The following DENND5A variants were observed in gnomAD, a reference collection of about 807,000 sequenced individuals.
DENND5A encodes DENN domain-containing protein 5A.
A neutral mutation model predicts 140.3 loss-of-function variants in DENND5A; 64 were observed. The observed-to-expected ratio is 0.46, with a 90% confidence interval of 0.37 to 0.56. DENND5A has a LOEUF of 0.56. Among genes scored for constraint, DENND5A ranks in the 20% least tolerant of loss-of-function variants. DENND5A has a pLI of 0.00. For synonymous variants in DENND5A, 605 were observed against 607.7 expected (o/e 1.00, Z 0.07); for missense variants, 1,292 against 1,593.8 (o/e 0.81, Z 3.22).
At chr11:9,252,852 A>ATT (rs576567620) in intron 1 of DENND5A, among the ~76,000 whole-genome samples, 12,464 of 144,032 alleles carry the variant, frequency 0.087, 592 homozygotes, top group African/African-American at 0.11. Context: ...CAGCAACAGG[A>ATT]TTTTTTTTTT....
At chr11:9,195,983 C>A (rs756391669) in intron 4 of DENND5A, among the ~76,000 whole-genome samples, 20 of 152,096 alleles carry the variant, frequency 1.3e-4, no homozygotes, top group Non-Finnish European at 2.5e-4. Flanking sequence ...GACAAAGTCT[C>A]GCTCTGTCAC....
chr11:9,177,773 A>T (rs1848594866), intron 8 of DENND5A, among the ~76,000 whole-genome samples: 1 of 152,026 alleles, frequency 6.6e-6, no homozygotes, highest in African/African-American at 2.4e-5. Context: ...AACAACAAGG[A>T]TTCACTGAAT....
chr11:9,160,545 G>A (rs895673920), intron 12 of DENND5A, among the ~76,000 whole-genome samples, 168 bp downstream of exon 12: 3 of 152,232 alleles, frequency 2.0e-5, no homozygotes, highest in African/African-American at 4.8e-5. Context: ...TATCTTTAAG[G>A]AAAATAGTTT....
intron 5 of DENND5A, among the ~76,000 whole-genome samples, chr11:9,187,748 A>G (rs1848967439): frequency 6.6e-6 from 1 of 152,216 alleles, no homozygotes; most frequent in Admixed American, 6.5e-5. Context: ...AACTCAGACA[A>G]CGAAGCTCCA....
intron 1 of DENND5A, among the ~76,000 whole-genome samples, chr11:9,208,688 C>T (rs1358894107): frequency 1.3e-5 from 2 of 152,198 alleles, no homozygotes; most frequent in Non-Finnish European, 2.9e-5. Flanking sequence ...TGATAGGACC[C>T]AACCTTCTTT....
chr11:9,158,773 C>G (rs1169693187), intron 12 of DENND5A, among the ~76,000 whole-genome samples: 3 of 152,046 alleles, frequency 2.0e-5, no homozygotes, highest in African/African-American at 7.2e-5. Flanking sequence ...GAGATAAAAA[C>G]AAAGCAAGTT....
intron 3 of DENND5A, 86 bp downstream of exon 3, chr11:9,206,587 C>T: frequency 2.1e-6 from 2 of 932,834 alleles, no homozygotes; most frequent in South Asian, 2.7e-5. Context: ...TATTTGGTGG[C>T]ACCACTGCTA....
At chr11:9,237,208 G>T (rs1212117151) in intron 1 of DENND5A, among the ~76,000 whole-genome samples, 3 of 152,192 alleles carry the variant, frequency 2.0e-5, no homozygotes, top group African/African-American at 7.2e-5. Flanking sequence ...CCTGAGGTCA[G>T]GAGTACAAGA....
At chr11:9,219,507 A>C (rs925312266) in intron 1 of DENND5A, among the ~76,000 whole-genome samples, 12 of 151,510 alleles carry the variant, frequency 7.9e-5, no homozygotes, top group Non-Finnish European at 1.5e-4. Flanking sequence ...TCAAAAAAAG[A>C]ATGTATTTTC....
At chr11:9,228,383 G>A (rs762982082) in intron 1 of DENND5A, among the ~76,000 whole-genome samples, 9 of 152,100 alleles carry the variant, frequency 5.9e-5, no homozygotes, top group South Asian at 2.1e-4. Context: ...GGAGAGAGAC[G>A]CTGAAGTGAG....
rs376748652 is a variant in DENND5A, at chr11:9,201,834, AAAG to A, written c.949+1823_949+1825del. The stretch of plus-strand genomic sequence containing the variant: ...AAAAAAAATGGTTAGGCAAAACTTT[AAAG>A]AAGAACAGAATAATTAGTTTCAAAG... On this transcript the variant is annotated intron_variant, in intron 4 of 22. Coordinates refer to ENST00000328194, the MANE Select transcript of DENND5A (RefSeq NM_015213.4). Among the ~76,000 whole-genome samples, 472 of 152,350 alleles carry A rather than the reference AAAG, an allele frequency of 3.1e-3. 1 individual carries two copies. The highest frequency in any genetic ancestry group is 8.9e-3 in the African/African-American group (370 of 41,592).
intron 1 of DENND5A, among the ~76,000 whole-genome samples, chr11:9,213,201 T>C (rs117030806): frequency 0.059 from 9,007 of 151,872 alleles, 370 homozygotes; most frequent in South Asian, 0.1. Flanking sequence ...TGACGGGGTT[T>C]CACCATGTTG....
chr11:9,176,699 G>A (rs1023032050), intron 8 of DENND5A: 20 of 303,594 alleles, frequency 6.6e-5, no homozygotes, highest in Middle Eastern at 4.0e-4. Flanking sequence ...CAGTCTGGGG[G>A]CATCAGAGAA....
chr11:9,180,706 T>A (rs1014693454), intron 6 of DENND5A, 61 bp downstream of exon 6: 2 of 1,524,610 alleles, frequency 1.3e-6, no homozygotes, highest in Non-Finnish European at 1.8e-6. Context: ...CATACCTTAC[T>A]TCACCAGGAC....
At chr11:9,140,343 C>A in intron 22 of DENND5A, 1 of 564,476 alleles carries the variant, frequency 1.8e-6, no homozygotes. Context: ...GATCACATGG[C>A]TAGTAAATGG....
intron 5 of DENND5A, among the ~76,000 whole-genome samples, chr11:9,191,534 C>A (rs1849126865): frequency 6.6e-6 from 1 of 152,210 alleles, no homozygotes; most frequent in South Asian, 2.1e-4. Context: ...GCCACCGCAC[C>A]CGGCCAACTT....
chr11:9,176,405 G>T (rs1848546573), intron 8 of DENND5A, among the ~76,000 whole-genome samples: 1 of 152,154 alleles, frequency 6.6e-6, no homozygotes, highest in Non-Finnish European at 1.5e-5. Context: ...CATCCTGCAG[G>T]AAGTGAACAC....
intron 12 of DENND5A, among the ~76,000 whole-genome samples, chr11:9,158,634 T>C (rs1847884621): frequency 6.6e-6 from 1 of 152,152 alleles, no homozygotes. Flanking sequence ...GCTAGGTAAC[T>C]TGCTTAGTTT....
At chr11:9,206,269 AATT>A (rs1401821300) in intron 3 of DENND5A, among the ~76,000 whole-genome samples, 2 of 152,214 alleles carry the variant, frequency 1.3e-5, no homozygotes, top group Non-Finnish European at 1.5e-5. Flanking sequence ...ATGAAAATAA[AATT>A]ATGATGAAAC....
Sources: gnomAD v4.1 joint callset for allele counts (sites outside exome capture counted in the v4.1 genomes callset) on GRCh38, gnomAD v4.1.1 for gene constraint, MANE v1.5 for transcripts, NCBI Gene and HGNC (gene_info 2026-07-23, HGNC 2026-07-21) for gene names.